The following RSBN1 variants were observed in gnomAD, a reference collection of about 807,000 sequenced individuals.
RSBN1 encodes the protein round spermatid basic protein 1.
RSBN1 carries 23 observed loss-of-function variants against 74.8 expected under a neutral mutation model. The observed-to-expected ratio is 0.31, with a 90% CI of 0.22 to 0.44. RSBN1 has a LOEUF of 0.44. Among genes scored for constraint, RSBN1 ranks in the 20% least tolerant of loss-of-function variants. The pLI, the probability that RSBN1 is intolerant of heterozygous loss-of-function variation, is 1.00. For missense variants in RSBN1, 808 were observed against 1,020.9 expected, an observed-to-expected ratio of 0.79 and a Z score of 2.84; for synonymous variants, 407 against 379.6, an observed-to-expected ratio of 1.07 and a Z score of -0.84.
intron 2 of RSBN1, among the ~76,000 whole-genome samples, chr1:113,793,657 A>G (rs1000857742): frequency 6.6e-6 from 1 of 151,142 alleles, no homozygotes; most frequent in Non-Finnish European, 1.5e-5. Flanking sequence ...TTGGATCCAT[A>G]CATTCAATTC....
chr1:113,786,312 G>C (rs1364779790), intron 2 of RSBN1, among the ~76,000 whole-genome samples: 1 of 152,166 alleles, frequency 6.6e-6, no homozygotes, highest in Non-Finnish European at 1.5e-5. Flanking sequence ...GTGATAGGTT[G>C]AAAAACGGCT....
At chr1:113,809,692 T>C (rs1028687435) in intron 1 of RSBN1, among the ~76,000 whole-genome samples, 2 of 152,220 alleles carry the variant, frequency 1.3e-5, no homozygotes, top group African/African-American at 4.8e-5. Context: ...AATGTTTAAA[T>C]GGGCTTATCT....
At chr1:113,766,481 C>A in intron 6 of RSBN1, 28 bp from the exon 7 acceptor site, 1 of 1,404,234 alleles carries the variant, frequency 7.1e-7, no homozygotes, top group Non-Finnish European at 9.8e-7. Flanking sequence ...TTACGTGAGA[C>A]TTTAAAATAT....
chr1:113,785,418 A>C (rs1454162892), intron 2 of RSBN1, among the ~76,000 whole-genome samples: 1 of 152,218 alleles, frequency 6.6e-6, no homozygotes, highest in Non-Finnish European at 1.5e-5. Flanking sequence ...GGTATAGTAA[A>C]TATAGTAAGT....
chr1:113,799,594 ACACAC>A (rs1283550068), intron 1 of RSBN1, among the ~76,000 whole-genome samples: 1 of 151,674 alleles, frequency 6.6e-6, no homozygotes. Flanking sequence ...ACACACACAC[ACACAC>A]ACACACACAC....
At chr1:113,769,312 C>CCATGTG (rs1474645872) in intron 4 of RSBN1, among the ~76,000 whole-genome samples, 1 of 152,206 alleles carries the variant, frequency 6.6e-6, no homozygotes, top group Non-Finnish European at 1.5e-5. Flanking sequence ...TACTGACTTG[C>CCATGTG]CATGTGCATC....
chr1:113,774,631 C>T (rs950264293), intron 4 of RSBN1, among the ~76,000 whole-genome samples: 3 of 151,828 alleles, frequency 2.0e-5, no homozygotes, highest in African/African-American at 4.8e-5. Context: ...GAGCCGAGAT[C>T]GCACCACCGC....
chr1:113,812,127 A>AC lies in RSBN1; in HGVS notation c.285dup (p.Ser96ValfsTer44), dbSNP rs770402964. The AC allele has an allele frequency of 2.5e-6, 4 of 1,605,302 alleles. No individual in the cohort carries two copies. Among genetic ancestry groups the AC allele is most frequent in the Non-Finnish European group, 3.4e-6 (4 of 1,177,708 alleles). ...CTCGGCCGCCCCCGCTTCTCCTGAG[A>AC]CCCCCCACTGCTAGATCGGCGCTGC... is the stretch of plus-strand genomic sequence containing the variant. On this transcript the variant is annotated frameshift_variant, in exon 1 of 7. Transcript: ENST00000261441. LOFTEE classifies it high-confidence loss of function.
At chr1:113,783,233 T>G (rs1660170954) in intron 2 of RSBN1, among the ~76,000 whole-genome samples, 1 of 150,440 alleles carries the variant, frequency 6.6e-6, no homozygotes, top group Non-Finnish European at 1.5e-5. Flanking sequence ...TTCTGTATGT[T>G]AAGGCTAGAA....
At chr1:113,770,948 GAAGA>G (rs1489555388) in intron 4 of RSBN1, among the ~76,000 whole-genome samples, 1 of 151,842 alleles carries the variant, frequency 6.6e-6, no homozygotes, top group Non-Finnish European at 1.5e-5. Context: ...AGAAAATGAA[GAAGA>G]AATTACCAAA....
intron 4 of RSBN1, among the ~76,000 whole-genome samples, chr1:113,773,493 A>T (rs1168639344): frequency 6.6e-6 from 1 of 152,198 alleles, no homozygotes; most frequent in African/African-American, 2.4e-5. Flanking sequence ...ACTGCACTCC[A>T]GCCTGGGTGA....
At chr1:113,804,522 A>G (rs953095045) in intron 1 of RSBN1, among the ~76,000 whole-genome samples, 10 of 152,192 alleles carry the variant, frequency 6.6e-5, no homozygotes, top group Admixed American at 5.9e-4. Flanking sequence ...ACTATCAGAC[A>G]TCTCCCTGCA....
chr1:113,806,128 G>A (rs1660695303), intron 1 of RSBN1, among the ~76,000 whole-genome samples: 2 of 152,020 alleles, frequency 1.3e-5, no homozygotes. Context: ...CTGAGGTCAG[G>A]AGTTTGAGAC....
intron 4 of RSBN1, among the ~76,000 whole-genome samples, chr1:113,775,270 CTG>C (rs1384500881): frequency 3.9e-5 from 6 of 152,106 alleles, no homozygotes; most frequent in Non-Finnish European, 8.8e-5. Flanking sequence ...GGTGATCCGC[CTG>C]CCTTGGCCTC....
At chr1:113,785,784 A>G (rs1660230528) in intron 2 of RSBN1, among the ~76,000 whole-genome samples, 1 of 152,238 alleles carries the variant, frequency 6.6e-6, no homozygotes, top group Admixed American at 6.5e-5. Flanking sequence ...TCTCTTAAGC[A>G]TTGCCCTTTC....
intron 2 of RSBN1, among the ~76,000 whole-genome samples, chr1:113,791,807 A>G (rs941292936): frequency 6.6e-6 from 1 of 152,124 alleles, no homozygotes; most frequent in African/African-American, 2.4e-5. Context: ...TTTCTATAAC[A>G]CACTAATAAT....
Position 113,811,939 on chromosome 1 carries a change from G to C in RSBN1, c.474C>G (p.Val158=). The C allele has an allele frequency of 6.3e-7, 1 of 1,598,720 alleles. No homozygotes were observed. The highest frequency in any genetic ancestry group is 8.5e-7 in the Non-Finnish European group (1 of 1,171,922). ...TGCTTGGGGCCGGGAGAGGGGCAGC[G>C]ACAGCGGGCCCGGCGGGTGCCAGCG... ...PPSLAPAGPA[V]AAPLPAPSTS... Residue 158 remains valine, a synonymous_variant, in exon 1 of 7, where the codon GTC becomes GTG. Coordinates refer to ENST00000261441, the MANE Select transcript of RSBN1 (RefSeq NM_018364.5).
intron 2 of RSBN1, among the ~76,000 whole-genome samples, chr1:113,783,436 T>G (rs1660175287): frequency 6.7e-6 from 1 of 150,094 alleles, no homozygotes; most frequent in Non-Finnish European, 1.5e-5. Flanking sequence ...GCACCAACTT[T>G]CAACCTGAAA....
chr1:113,788,935 A>C (rs1462060478), intron 2 of RSBN1, among the ~76,000 whole-genome samples: 2 of 152,156 alleles, frequency 1.3e-5, no homozygotes, highest in African/African-American at 4.8e-5. Flanking sequence ...ATAATATTAT[A>C]AAACTGTAAA....
Sources: gnomAD v4.1 joint callset for allele counts (sites outside exome capture counted in the v4.1 genomes callset) on GRCh38, gnomAD v4.1.1 for gene constraint, MANE v1.5 for transcripts, NCBI Gene and HGNC (gene_info 2026-07-23, HGNC 2026-07-21) for gene names.